The following CACNA1E variants were observed in gnomAD, a reference collection of about 807,000 sequenced individuals.
The protein encoded by CACNA1E is calcium voltage-gated channel subunit alpha1 E.
A neutral mutation model predicts 259.2 loss-of-function variants in CACNA1E; 40 were observed. The observed-to-expected ratio is 0.15, with a 90% CI of 0.12 to 0.20. CACNA1E has a LOEUF of 0.20. Among genes scored for constraint, CACNA1E ranks in the 10% least tolerant of loss-of-function variants. CACNA1E has a pLI of 1.00. For missense variants in CACNA1E, 1,874 were observed against 3,040.1 expected, an observed-to-expected ratio of 0.62 and a Z score of 9.02; for synonymous variants, 1,104 against 1,138.5, an observed-to-expected ratio of 0.97 and a Z score of 0.61.
chr1:181,474,680 G>A (rs1662728488), intron 2 of CACNA1E, among the ~76,000 whole-genome samples: 2 of 151,832 alleles, frequency 1.3e-5, no homozygotes, highest in Admixed American at 6.6e-5. Flanking sequence ...GTTGATATGG[G>A]TTTTTTTTGA....
rs1660713401 is a variant in CACNA1E, at chr1:181,784,708, C to T, written c.5518C>T (p.Leu1840=). ...QLDSELQKET[L]AIWPHLSQKM... ...AGACTCAGAGCTACAAAAGGAGACC[C>T]TAGCCATCTGGCCTCACCTATCCCA... is the stretch of plus-strand genomic sequence containing the variant. Residue 1840 remains leucine, a synonymous_variant, in exon 41 of 48, where the codon CTA becomes TTA. Transcript: ENST00000367573. 3.8e-6 allele frequency: 6 copies of T among 1,589,716 alleles called. No homozygotes were observed. Among genetic ancestry groups the T allele is most frequent in the East Asian group, 2.3e-5 (1 of 43,574 alleles).
intron 38 of CACNA1E, among the ~76,000 whole-genome samples, chr1:181,778,334 TCTCAA>T (rs1474703826): frequency 6.6e-6 from 1 of 152,150 alleles, no homozygotes; most frequent in Non-Finnish European, 1.5e-5. Flanking sequence ...AATTACCTCC[TCTCAA>T]GAGTTGAGAG....
intron 6 of CACNA1E, among the ~76,000 whole-genome samples, chr1:181,590,076 T>TGAG (rs1198197869): frequency 6.6e-6 from 1 of 152,138 alleles, no homozygotes; most frequent in Non-Finnish European, 1.5e-5. Context: ...GACCTTTGCC[T>TGAG]GCCTCCAGTT....
chr1:181,615,804 T>A (rs1655155683), intron 6 of CACNA1E, among the ~76,000 whole-genome samples: 1 of 152,232 alleles, frequency 6.6e-6, no homozygotes, highest in African/African-American at 2.4e-5. Flanking sequence ...ATGGAATTCT[T>A]ATCTCATTCA....
chr1:181,717,990 T>C (rs149258112), intron 11 of CACNA1E, 65 bp from the exon 12 acceptor site: 61 of 754,068 alleles, frequency 8.1e-5, no homozygotes, highest in Admixed American at 7.9e-4. Context: ...GGTGGGTGTG[T>C]TAGCTGAGAA....
intron 1 of CACNA1E, among the ~76,000 whole-genome samples, chr1:181,373,034 T>C (rs933709222): frequency 6.6e-6 from 1 of 152,166 alleles, no homozygotes; most frequent in Non-Finnish European, 1.5e-5. Flanking sequence ...CTGGATTCAG[T>C]TTGGCAGCAT....
chr1:181,395,380 G>A (rs1233627124), intron 1 of CACNA1E, among the ~76,000 whole-genome samples: 2 of 152,134 alleles, frequency 1.3e-5, no homozygotes, highest in African/African-American at 2.4e-5. Context: ...TTGAATTTGA[G>A]TTGTATGTTA....
chr1:181,709,762 G>A (rs1229278976), intron 7 of CACNA1E, among the ~76,000 whole-genome samples: 1 of 152,062 alleles, frequency 6.6e-6, no homozygotes, highest in African/African-American at 2.4e-5. Flanking sequence ...CAAAGTGCTG[G>A]GATTACAGGC....
intron 12 of CACNA1E, among the ~76,000 whole-genome samples, chr1:181,719,259 A>G (rs1654212105): frequency 6.6e-6 from 1 of 152,252 alleles, no homozygotes; most frequent in Non-Finnish European, 1.5e-5. Context: ...TCTTGCAGCA[A>G]TCAGATCCTA....
At chr1:181,738,238 G>C (rs1423224787) in intron 23 of CACNA1E, 129 bp from the exon 24 acceptor site, 1 of 752,204 alleles carries the variant, frequency 1.3e-6, no homozygotes, top group Non-Finnish European at 2.4e-6. Flanking sequence ...CCAAGCCTTT[G>C]TTCTGAGGGT....
At chr1:181,654,781 G>A (rs571079817) in intron 7 of CACNA1E, among the ~76,000 whole-genome samples, 3 of 152,158 alleles carry the variant, frequency 2.0e-5, no homozygotes, top group Admixed American at 1.3e-4. Context: ...TCAGGAGATC[G>A]AGACCATCCT....
In CACNA1E at chr1:181,725,671, G is replaced by A. The variant is rs1203996845; in HGVS notation, c.2143-394G>A. 2.0e-5 allele frequency among the ~76,000 whole-genome samples: 3 copies of A among 152,350 alleles called. No homozygotes were observed. In the East Asian group the frequency reaches 5.8e-4, roughly 29 times the overall value. Reference sequence around the variant, plus strand: ...ACTTTACTTGGCGGGGTCCTTGCCTGGAAGGCCCCTGCTCCATCACTTCCA... The same window carrying A: ...ACTTTACTTGGCGGGGTCCTTGCCTAGAAGGCCCCTGCTCCATCACTTCCA... On this transcript the variant is annotated intron_variant, in intron 17 of 47. Transcript: ENST00000367573.
intron 3 of CACNA1E, among the ~76,000 whole-genome samples, chr1:181,524,521 A>G (rs1360872962): frequency 6.6e-6 from 1 of 152,230 alleles, no homozygotes; most frequent in African/African-American, 2.4e-5. Flanking sequence ...CAATGGGTTA[A>G]CATAGTAGGT....
intron 6 of CACNA1E, among the ~76,000 whole-genome samples, chr1:181,629,387 A>G (rs1374893624): frequency 6.6e-6 from 1 of 152,182 alleles, no homozygotes; most frequent in Non-Finnish European, 1.5e-5. Flanking sequence ...TATCAAATAC[A>G]CTTGTGGAGT....
rs572726994 is a variant in CACNA1E, at chr1:181,635,803, T to C, written c.952-15535T>C. On this transcript the variant is annotated intron_variant, in intron 6 of 47. Transcript: ENST00000367573. ...GCATTTTGATTCTAAAGTATTTGAT[T>C]AGCTCATTCATCCATTCATAGAACA... Among the ~76,000 whole-genome samples the C allele has an allele frequency of 4.5e-4, 69 of 152,360 alleles. 1 individual carries two copies. The highest frequency in any genetic ancestry group is 3.9e-3 in the Admixed American group (60 of 15,306).
Position 181,757,143 on chromosome 1 carries a change from T to C in CACNA1E, c.4329+17T>C. The C allele has an allele frequency of 6.3e-7, 1 of 1,585,922 alleles. No homozygotes were observed. Among genetic ancestry groups the C allele is most frequent in the Non-Finnish European group, 8.7e-7 (1 of 1,154,984 alleles). On this transcript the variant is annotated intron_variant, in intron 30 of 47. Coordinates refer to ENST00000367573, the MANE Select transcript of CACNA1E (RefSeq NM_001205293.3). ...AAGAATGAGGTAATGACAATTGGTC[T>C]AAAGTGGGGAGCAGCAGAGGCTCCA...
chr1:181,453,122 G>A (rs1375507211), intron 2 of CACNA1E, among the ~76,000 whole-genome samples: 8 of 152,278 alleles, frequency 5.3e-5, no homozygotes, highest in African/African-American at 1.2e-4. Flanking sequence ...GAAATTGTAC[G>A]TTCATTAAAA....
At chr1:181,774,524 A>C (rs1659798632) in intron 37 of CACNA1E, among the ~76,000 whole-genome samples, 2 of 152,246 alleles carry the variant, frequency 1.3e-5, no homozygotes, top group Admixed American at 6.5e-5. Context: ...TGGTGGCTCC[A>C]AAGGGGTGTT....
intron 1 of CACNA1E, among the ~76,000 whole-genome samples, chr1:181,365,053 G>A (rs1225178702): frequency 6.6e-6 from 1 of 152,220 alleles, no homozygotes; most frequent in Non-Finnish European, 1.5e-5. Context: ...TGTCTGGGTA[G>A]CAGCACTGAG....
Sources: gnomAD v4.1 joint callset for allele counts (sites outside exome capture counted in the v4.1 genomes callset) on GRCh38, gnomAD v4.1.1 for gene constraint, MANE v1.5 for transcripts, NCBI Gene and HGNC (gene_info 2026-07-23, HGNC 2026-07-21) for gene names.